Variants in MEIS2 observed in about 807,000 individuals in gnomAD.
MEIS2 encodes Meis homeobox 2.
A neutral mutation model predicts 58.6 loss-of-function variants in MEIS2; 9 were observed. The ratio of observed to expected loss-of-function variants is 0.15; its 90% confidence interval spans 0.09 to 0.27. The LOEUF is 0.27. Ranked by LOEUF, MEIS2 falls within the 10% of genes least tolerant of loss-of-function variation. MEIS2 has a pLI of 1.00. For synonymous variants in MEIS2, 221 were observed against 228.4 expected (o/e 0.97, Z 0.29); for missense variants, 427 against 635.0 (o/e 0.67, Z 3.52).
intron 8 of MEIS2, among the ~76,000 whole-genome samples, chr15:37,018,178 A>G (rs1207599621): frequency 6.6e-6 from 1 of 152,234 alleles, no homozygotes; most frequent in African/African-American, 2.4e-5. Flanking sequence ...CAGTCACTCT[A>G]TGATCACTGA....
intron 8 of MEIS2, among the ~76,000 whole-genome samples, chr15:36,991,255 C>CT (rs10713560): frequency 2.2e-3 from 322 of 146,826 alleles, no homozygotes; most frequent in African/African-American, 6.7e-3. Context: ...ATTTTTCTCT[C>CT]TTTTTTTTTT....
intron 10 of MEIS2, 92 bp from the exon 11 acceptor site, chr15:36,895,353 T>C: frequency 2.8e-6 from 3 of 1,067,686 alleles, no homozygotes; most frequent in Non-Finnish European, 2.8e-6. Context: ...TGAAACGTTA[T>C]AGCAACAATG....
intron 8 of MEIS2, among the ~76,000 whole-genome samples, chr15:37,007,103 C>G (rs951017090): frequency 6.6e-6 from 1 of 152,180 alleles, no homozygotes; most frequent in Non-Finnish European, 1.5e-5. Flanking sequence ...AATTAAACCT[C>G]TTTTGAGCAT....
chr15:36,983,142 T>A (rs2059983846), intron 8 of MEIS2, among the ~76,000 whole-genome samples: 1 of 152,132 alleles, frequency 6.6e-6, no homozygotes, highest in South Asian at 2.1e-4. Context: ...ACAGAACCTG[T>A]TTAGTTTGAT....
At chr15:36,989,140 C>T (rs1218582411) in intron 8 of MEIS2, among the ~76,000 whole-genome samples, 1 of 152,184 alleles carries the variant, frequency 6.6e-6, no homozygotes, top group Non-Finnish European at 1.5e-5. Context: ...CATTTGCTGA[C>T]TCATTAACCA....
chr15:36,995,999 ATATG>A (rs2060498639), intron 8 of MEIS2, among the ~76,000 whole-genome samples: 1 of 102,648 alleles, frequency 9.7e-6, no homozygotes, highest in African/African-American at 3.3e-5. Flanking sequence ...ATATATATAT[ATATG>A]TATATATATA....
chr15:37,079,345 A>G (rs186645038), intron 7 of MEIS2, among the ~76,000 whole-genome samples: 37 of 152,272 alleles, frequency 2.4e-4, no homozygotes, highest in African/African-American at 7.7e-4. Context: ...AGCAACTAGC[A>G]AAAGATTATG....
chr15:36,989,101 T>C (rs781493605), intron 8 of MEIS2, among the ~76,000 whole-genome samples: 2 of 152,234 alleles, frequency 1.3e-5, no homozygotes, highest in African/African-American at 4.8e-5. Context: ...ATAATATTTC[T>C]TCTTATCTTC....
intron 7 of MEIS2, among the ~76,000 whole-genome samples, chr15:37,058,405 G>A (rs899304470): frequency 6.6e-6 from 1 of 152,188 alleles, no homozygotes; most frequent in African/African-American, 2.4e-5. Context: ...CAGTCAAAGC[G>A]AAAACCAAGC....
chr15:36,915,433 C>T (rs544073912), intron 9 of MEIS2, among the ~76,000 whole-genome samples: 2 of 152,210 alleles, frequency 1.3e-5, no homozygotes, highest in South Asian at 4.2e-4. Context: ...TTTCTTCTTG[C>T]CTTTCAGTGT....
chr15:36,931,303 G>A (rs982085671), intron 9 of MEIS2, among the ~76,000 whole-genome samples: 2 of 152,152 alleles, frequency 1.3e-5, no homozygotes, highest in African/African-American at 4.8e-5. Flanking sequence ...GTACAGAATA[G>A]CACAACCTTG....
At chr15:37,067,674 A>G (rs1482229762) in intron 7 of MEIS2, among the ~76,000 whole-genome samples, 1 of 151,758 alleles carries the variant, frequency 6.6e-6, no homozygotes, top group Non-Finnish European at 1.5e-5. Flanking sequence ...GAGAATTTTG[A>G]CCTCATACTT....
chr15:36,941,844 G>T (rs182270766), intron 9 of MEIS2, among the ~76,000 whole-genome samples: 1 of 152,248 alleles, frequency 6.6e-6, no homozygotes, highest in East Asian at 1.9e-4. Flanking sequence ...GATTTTTCAC[G>T]TGTGGGTTTT....
At chr15:36,922,406 G>T (rs963568953) in intron 9 of MEIS2, among the ~76,000 whole-genome samples, 1 of 151,596 alleles carries the variant, frequency 6.6e-6, no homozygotes, top group Non-Finnish European at 1.5e-5. Flanking sequence ...GAATCAAAAG[G>T]TTTTTTTGTG....
intron 9 of MEIS2, among the ~76,000 whole-genome samples, chr15:36,899,457 T>A (rs2056357753): frequency 6.6e-6 from 1 of 152,116 alleles, no homozygotes; most frequent in Admixed American, 6.5e-5. Context: ...CTAAAACAAA[T>A]CAAACTAGAA....
intron 7 of MEIS2, among the ~76,000 whole-genome samples, chr15:37,055,855 A>T (rs1255057538): frequency 6.6e-6 from 1 of 152,238 alleles, no homozygotes. Context: ...GTGCTGCGGA[A>T]GTCTTAAAAA....
intron 7 of MEIS2, among the ~76,000 whole-genome samples, chr15:37,068,872 T>C (rs1369126908): frequency 6.6e-6 from 1 of 152,180 alleles, no homozygotes; most frequent in Admixed American, 6.5e-5. Context: ...ACTTTCACTA[T>C]CTGCCTACAA....
intron 6 of MEIS2, among the ~76,000 whole-genome samples, chr15:37,086,928 G>T (rs765025223): frequency 6.6e-6 from 1 of 152,154 alleles, no homozygotes; most frequent in Non-Finnish European, 1.5e-5. Flanking sequence ...TTTTCCCTGA[G>T]ATTAAAATAT....
intron 9 of MEIS2, among the ~76,000 whole-genome samples, chr15:36,905,698 A>T (rs1437040903): frequency 6.6e-6 from 1 of 152,222 alleles, no homozygotes; most frequent in African/African-American, 2.4e-5. Flanking sequence ...CACATTGGTA[A>T]ATCTTCCATA....
Sources: allele counts gnomAD v4.1 joint callset (sites outside exome capture counted in the v4.1 genomes callset), GRCh38; gene constraint gnomAD v4.1.1; transcripts MANE v1.5; gene names NCBI Gene and HGNC (gene_info 2026-07-23, HGNC 2026-07-21).